Variants in SEPTIN4 observed in about 807,000 individuals in gnomAD.
SEPTIN4 encodes the protein septin 4.
SEPTIN4 carries 52 observed loss-of-function variants against 107.1 expected under a neutral mutation model. That is an observed-to-expected ratio of 0.49 (90% CI 0.39 to 0.61). The LOEUF is 0.61. SEPTIN4 is among the 20% of genes least tolerant of loss of function. The probability of loss-of-function intolerance (pLI) is 0.00; values close to 1 mark genes in which losing one functional copy is unlikely to be tolerated. For missense variants in SEPTIN4, 1,048 were observed against 1,243.5 expected, an observed-to-expected ratio of 0.84 and a Z score of 2.36; for synonymous variants, 417 against 467.0, an observed-to-expected ratio of 0.89 and a Z score of 1.38.
chr17:58,539,868 A>G (rs2043828909), intron 3 of SEPTIN4, among the ~76,000 whole-genome samples: 1 of 152,182 alleles, frequency 6.6e-6, no homozygotes, highest in Admixed American at 6.5e-5. Context: ...AAGGTTGGAT[A>G]AGAACCCATG....
In SEPTIN4 at chr17:58,526,801, G is replaced by C. The variant is rs757620357; in HGVS notation, c.1792C>G (p.Pro598Ala). ...DLYDDDLEFR[P>A]PSRPQSSDNQ... ...TCAGAGGACTGGGGCCGCGAGGGGG[G>C]TCTGAACTCCAGGTCATCATCATAG... The change falls in exon 4 of 14, where the codon CCC (proline) becomes GCC (alanine). Residue 598 changes from proline (P) to alanine (A), a missense_variant. Pro to Ala is a conservative substitution (Grantham distance 27). This residue lies in a region of SEPTIN4 where 787 missense variants were observed against 871.8 expected (regional missense o/e 0.90). Coordinates refer to ENST00000672673, the MANE Select transcript of SEPTIN4 (RefSeq NM_001368771.2). 13 of 1,613,612 alleles carry C rather than the reference G, an allele frequency of 8.1e-6. No individual in the cohort carries two copies. The South Asian group carries it at 8.8e-5, about 11-fold the overall frequency.
At chr17:58,539,311 A>G (rs1208865980) in intron 3 of SEPTIN4, 5 of 674,340 alleles carry the variant, frequency 7.4e-6, no homozygotes, top group African/African-American at 3.7e-5. Flanking sequence ...GAAAAAGGGG[A>G]TGAAGGTGGG....
intron 7 of SEPTIN4, chr17:58,524,847 C>A: frequency 1.9e-6 from 1 of 527,636 alleles, no homozygotes; most frequent in East Asian, 3.6e-5. Flanking sequence ...GTCCCTACCC[C>A]ATTATAGAAT....
chr17:58,520,616 A>C, intron 13 of SEPTIN4, 127 bp downstream of exon 13: 1 of 1,495,768 alleles, frequency 6.7e-7, no homozygotes, highest in Non-Finnish European at 9.3e-7. Context: ...TCTGGACAGA[A>C]CCACCTATTG....
At chr17:58,540,611 G>A in intron 3 of SEPTIN4, 55 bp downstream of exon 3, 1 of 1,301,636 alleles carries the variant, frequency 7.7e-7, no homozygotes, top group Non-Finnish European at 9.8e-7. Context: ...AGATGGATTT[G>A]GATTGTGGGG....
intron 5 of SEPTIN4, 113 bp downstream of exon 5, chr17:58,526,107 A>G: frequency 7.1e-7 from 1 of 1,412,296 alleles, no homozygotes; most frequent in Admixed American, 3.0e-5. Flanking sequence ...GCAAAACAGT[A>G]CAGCCACTCG....
intron 3 of SEPTIN4, among the ~76,000 whole-genome samples, chr17:58,533,449 G>A (rs1173503384): frequency 6.6e-6 from 1 of 152,186 alleles, no homozygotes; most frequent in South Asian, 2.1e-4. Flanking sequence ...GGGGAAGGAG[G>A]ATATGCTGTA....
chr17:58,527,843 G>C, intron 3 of SEPTIN4: 1 of 985,698 alleles, frequency 1.0e-6, no homozygotes, highest in African/African-American at 1.7e-5. Flanking sequence ...GCCCAGAGCC[G>C]GCAGTGCACG....
In SEPTIN4 at chr17:58,526,205, C is replaced by T; in HGVS notation, c.2005+15G>A. 6.3e-7 allele frequency: 1 copy of T among 1,580,220 alleles called. No homozygotes were observed. Among genetic ancestry groups the T allele is most frequent in the Non-Finnish European group, 8.6e-7 (1 of 1,163,996 alleles). ...GAAACACACCCTGCCCAACCCAGCC[C>T]TGCCCCTTTTTTACCTGCCACCATG... is the stretch of plus-strand genomic sequence containing the variant. On this transcript the variant is annotated intron_variant, in intron 5 of 13. Coordinates refer to ENST00000672673, the MANE Select transcript of SEPTIN4 (RefSeq NM_001368771.2).
intron 3 of SEPTIN4, chr17:58,527,847 G>A (rs2043097906): frequency 1.0e-6 from 1 of 985,628 alleles, no homozygotes; most frequent in Admixed American, 6.1e-5. Flanking sequence ...AGAGCCGGCA[G>A]TGCACGAGAG....
Position 58,521,814 on chromosome 17 carries a change from A to G in SEPTIN4, c.2391T>C (p.His797=). 1 of 1,614,204 alleles carries G rather than the reference A, an allele frequency of 6.2e-7. No homozygotes were observed. Among genetic ancestry groups the G allele is most frequent in the Admixed American group, 1.7e-5 (1 of 60,026 alleles). The change falls in exon 9 of 14, where the codon CAT becomes CAC. Residue 797 remains histidine (H), a synonymous_variant. Transcript: ENST00000672673. This position sits in a 1 kb window ranked among gnomAD's most constrained non-coding sequence, Gnocchi z 6.4. ...PLDVEFMKAL[H]QRVNIVPILA... ...GGATAGGCACGATGTTGACCCGCTG[A>G]TGCAGGGCCTTCATGAATTCAACAT... is the stretch of plus-strand genomic sequence containing the variant.
intron 3 of SEPTIN4, chr17:58,539,109 T>C: frequency 6.6e-7 from 1 of 1,526,116 alleles, no homozygotes; most frequent in Non-Finnish European, 8.8e-7. Context: ...CATGCCATCC[T>C]ACCTCCAGAG....
rs2042785473 is a variant in SEPTIN4, at chr17:58,525,776, A to C, written c.2011T>G (p.Ser671Ala). The C allele has an allele frequency of 5.6e-6, 9 of 1,613,736 alleles. No homozygotes were observed. Among genetic ancestry groups the C allele is most frequent in the Non-Finnish European group, 5.9e-6 (7 of 1,179,808 alleles). The change falls in exon 6 of 14, where the codon TCT becomes GCT. Residue 671 changes from serine to alanine, a missense_variant. This residue lies in a region of SEPTIN4 where 787 missense variants were observed against 871.8 expected (regional missense o/e 0.90). Coordinates refer to ENST00000672673, the MANE Select transcript of SEPTIN4 (RefSeq NM_001368771.2). ...ACAAGTGTGGATTTGCCCAGGCCAG[A>C]CTCTCCTGAGAGGAGAGAGGACAGA... is the stretch of plus-strand genomic sequence containing the variant. ...FDFTLMVAGE[S>A]GLGKSTLVNS...
At position 58,542,696 on chromosome 17, in the gene SEPTIN4, CAGT is replaced by C; in HGVS notation, c.1488_1490del (p.Leu497del). On this transcript the variant is annotated inframe_deletion, in exon 1 of 14. Coordinates refer to ENST00000672673, the MANE Select transcript of SEPTIN4 (RefSeq NM_001368771.2). ...GCTTGGGGGTCTGTGGCACTTCACTCAGTGGTGCCCAACTTGGAAACTCCTTTG... is the reference window on the plus strand; with the variant it reads ...GCTTGGGGGTCTGTGGCACTTCACTCGGTGCCCAACTTGGAAACTCCTTTG... 1 of 1,614,186 alleles carries C rather than the reference CAGT, an allele frequency of 6.2e-7. No individual in the cohort carries two copies. Among genetic ancestry groups the C allele is most frequent in the Non-Finnish European group, 8.5e-7 (1 of 1,180,022 alleles).
Position 58,520,465 on chromosome 17 carries a change from C to T in SEPTIN4, c.2952G>A (p.Met984Ile). ...KDEELRRMQE[M>I]LHKIQKQMKE... ...TCATCTGTTTTTGTATTTTGTGTAG[C>T]ATCTCCTGCATCCGCCGCAGCTGGA... The change falls in exon 14 of 14, where the codon ATG becomes ATA. Residue 984 changes from methionine to isoleucine, a missense_variant. Transcript: ENST00000672673. The T allele has an allele frequency of 1.9e-6, 3 of 1,613,552 alleles. No individual in the cohort carries two copies. Among genetic ancestry groups the T allele is most frequent in the Non-Finnish European group, 2.5e-6 (3 of 1,180,018 alleles).
Position 58,521,946 on chromosome 17 carries a change from A to G in SEPTIN4, c.2351+21T>C, listed in dbSNP as rs748292011. On this transcript the variant is annotated intron_variant, in intron 8 of 13. Transcript: ENST00000672673. This position sits in a 1 kb window ranked among gnomAD's most constrained non-coding sequence, Gnocchi z 6.4. ...CTTGACAGCACCCGGTGGTGCCAGG[A>G]GCCTCAGGCTTGGACCATACCCATG... 1.2e-6 allele frequency: 2 copies of G among 1,614,234 alleles called. No homozygotes were observed. Among genetic ancestry groups the G allele is most frequent in the Non-Finnish European group, 1.7e-6 (2 of 1,180,032 alleles).
chr17:58,525,824 T>G (rs2042795102), intron 5 of SEPTIN4, 43 bp from the exon 6 acceptor site: 1 of 1,556,244 alleles, frequency 6.4e-7, no homozygotes, highest in Non-Finnish European at 8.9e-7. Flanking sequence ...GAAGGTAAGA[T>G]CTATAGCCAA....
At chr17:58,540,559 C>T in intron 3 of SEPTIN4, 107 bp downstream of exon 3, 1 of 855,278 alleles carries the variant, frequency 1.2e-6, no homozygotes, top group Non-Finnish European at 1.6e-6. Flanking sequence ...CCATAGGGAG[C>T]AGCTCTGTCT....
At chr17:58,525,311 C>T in intron 6 of SEPTIN4, 110 bp from the exon 7 acceptor site, 1 of 1,310,660 alleles carries the variant, frequency 7.6e-7, no homozygotes. Context: ...CCACACTGCC[C>T]CCTTCTCCAC....
Sources: gnomAD v4.1 joint callset for allele counts (sites outside exome capture counted in the v4.1 genomes callset) on GRCh38, gnomAD v4.1.1 for gene constraint, gnomAD v4.1.1 regional missense constraint, Gnocchi (gnomAD v3.1) non-coding constraint, MANE v1.5 for transcripts, NCBI Gene and HGNC (gene_info 2026-07-23, HGNC 2026-07-21) for gene names.